SPIDR: variants seen among roughly 807,000 people sequenced by gnomAD.
SPIDR encodes DNA repair-scaffolding protein.
SPIDR carries 93 observed loss-of-function variants against 104.6 expected under a neutral mutation model. The observed-to-expected ratio is 0.89, with a 90% CI of 0.75 to 1.06. SPIDR has a LOEUF of 1.06. Ranked by LOEUF, SPIDR falls within the 50% of genes least tolerant of loss-of-function variation. SPIDR has a pLI of 0.00. For missense variants in SPIDR, 1,154 were observed against 1,111.2 expected, an observed-to-expected ratio of 1.04 and a Z score of -0.55; for synonymous variants, 431 against 416.9, an observed-to-expected ratio of 1.03 and a Z score of -0.41.
At chr8:47,348,948 C>T (rs1218239310) in intron 5 of SPIDR, among the ~76,000 whole-genome samples, 1 of 152,206 alleles carries the variant, frequency 6.6e-6, no homozygotes, top group African/African-American at 2.4e-5. Flanking sequence ...AAGCCTACTT[C>T]TGTCAACTTG....
chr8:47,441,743 T>TA (rs1554697262), intron 8 of SPIDR, among the ~76,000 whole-genome samples: 1 of 152,180 alleles, frequency 6.6e-6, no homozygotes, highest in African/African-American at 2.4e-5. Context: ...AAAGTTATTC[T>TA]ATGTTTTATT....
intron 5 of SPIDR, among the ~76,000 whole-genome samples, chr8:47,394,956 A>T (rs1278817334): frequency 6.6e-6 from 1 of 152,084 alleles, no homozygotes; most frequent in Non-Finnish European, 1.5e-5. Flanking sequence ...AAATTTAGAC[A>T]TTTACTTTTT....
intron 1 of SPIDR, among the ~76,000 whole-genome samples, chr8:47,276,392 C>T (rs1270595724): frequency 6.6e-6 from 1 of 152,096 alleles, no homozygotes; most frequent in Middle Eastern, 3.2e-3. Flanking sequence ...TGTACTTTTA[C>T]CAAGATCTTG....
chr8:47,488,299 C>G (rs1168777687), intron 8 of SPIDR, among the ~76,000 whole-genome samples: 6 of 152,048 alleles, frequency 3.9e-5, no homozygotes, highest in Non-Finnish European at 8.8e-5. Flanking sequence ...AAGACTAAAC[C>G]AGGAAGAAGT....
At chr8:47,320,193 G>C (rs1296594133) in intron 5 of SPIDR, among the ~76,000 whole-genome samples, 16 of 152,042 alleles carry the variant, frequency 1.1e-4, no homozygotes, top group Non-Finnish European at 1.9e-4. Flanking sequence ...AACTTGATAG[G>C]CTGCTAGAAA....
At chr8:47,311,807 G>C (rs1409460211) in intron 5 of SPIDR, among the ~76,000 whole-genome samples, 2 of 151,896 alleles carry the variant, frequency 1.3e-5, no homozygotes, top group Admixed American at 1.3e-4. Context: ...CCATGTTGGT[G>C]TGCTGCACCC....
intron 5 of SPIDR, among the ~76,000 whole-genome samples, chr8:47,352,327 G>C (rs2053691686): frequency 1.3e-5 from 2 of 151,574 alleles, no homozygotes; most frequent in African/African-American, 4.8e-5. Context: ...TGTACTTCTT[G>C]TTTTCATCTG....
chr8:47,709,902 T>TTTC (rs58985846), intron 14 of SPIDR, among the ~76,000 whole-genome samples: 1 of 151,464 alleles, frequency 6.6e-6, no homozygotes, highest in East Asian at 1.9e-4. Context: ...TTTTTTTTTT[T>TTTC]GAGATGCTCT....
At chr8:47,595,537 G>T (rs1018271322) in intron 8 of SPIDR, among the ~76,000 whole-genome samples, 4 of 152,204 alleles carry the variant, frequency 2.6e-5, no homozygotes, top group Non-Finnish European at 5.9e-5. Flanking sequence ...CCCCTGAGGG[G>T]TCTTGAGGCC....
At chr8:47,291,532 T>G (rs971057368) in intron 4 of SPIDR, among the ~76,000 whole-genome samples, 293 of 152,308 alleles carry the variant, frequency 1.9e-3, no homozygotes, top group African/African-American at 6.9e-3. Flanking sequence ...TTAAATTCCT[T>G]TCTAATAGTT....
chr8:47,702,089 TCTCTCTCTTACA>T lies in SPIDR; in HGVS notation c.1977+76_1977+87del, dbSNP rs1438685175. 2.9e-3 allele frequency: 323 copies of T among 112,006 alleles called. 16 individuals are homozygous for T. Among genetic ancestry groups the T allele is most frequent in the East Asian group, 0.023 (89 of 3,864 alleles). The allele number at this position is 112,006 out of a possible 1,614,324, so 6.9% of individuals were successfully genotyped here. ...CTCTCTCTCTCTCTCTCTCTCTCTC[TCTCTCTCTTACA>T]CACACACACACACACACACACACAC... On this transcript the variant is annotated intron_variant, in intron 14 of 19. Coordinates refer to ENST00000297423, the MANE Select transcript of SPIDR (RefSeq NM_001080394.4).
chr8:47,407,994 T>TA, intron 7 of SPIDR, 33 bp downstream of exon 7: 3 of 1,201,010 alleles, frequency 2.5e-6, no homozygotes, highest in Admixed American at 2.4e-5. Context: ...AGACAATGTG[T>TA]AAAAAAATAT....
intron 11 of SPIDR, among the ~76,000 whole-genome samples, chr8:47,678,611 G>A (rs1046824289): frequency 4.6e-5 from 7 of 152,202 alleles, no homozygotes; most frequent in Non-Finnish European, 8.8e-5. Context: ...GGGGTGCAGA[G>A]GGTGGGGTAA....
intron 5 of SPIDR, among the ~76,000 whole-genome samples, chr8:47,299,862 A>G (rs2041706177): frequency 6.6e-6 from 1 of 152,192 alleles, no homozygotes; most frequent in Non-Finnish European, 1.5e-5. Flanking sequence ...CCAGTGTTTT[A>G]TTGAGGATTT....
intron 8 of SPIDR, among the ~76,000 whole-genome samples, chr8:47,490,391 G>C (rs934157815): frequency 7.9e-5 from 12 of 152,162 alleles, no homozygotes; most frequent in African/African-American, 2.9e-4. Context: ...CACTTTTACA[G>C]TGTTGGTGGG....
chr8:47,503,904 G>T (rs1020300382), intron 8 of SPIDR, among the ~76,000 whole-genome samples: 1 of 152,156 alleles, frequency 6.6e-6, no homozygotes. Context: ...AGCTTAGTTT[G>T]GCTGGATATG....
chr8:47,732,054 T>C (rs2154494645), intron 19 of SPIDR: 1 of 684,014 alleles, frequency 1.5e-6, no homozygotes, highest in East Asian at 2.7e-5. Flanking sequence ...CTGCCTGGCA[T>C]CCCTGGTCAC....
chr8:47,299,695 T>C (rs1368996573), intron 5 of SPIDR, among the ~76,000 whole-genome samples: 6 of 152,244 alleles, frequency 3.9e-5, no homozygotes, highest in African/African-American at 1.4e-4. Flanking sequence ...CTTTTCTGCA[T>C]CTATTGAGAT....
chr8:47,347,519 G>C (rs1587448094), intron 5 of SPIDR, among the ~76,000 whole-genome samples: 3 of 152,092 alleles, frequency 2.0e-5, no homozygotes, highest in African/African-American at 7.2e-5. Context: ...TTTCTGTCTC[G>C]TTGATCTGTC....
Sources: allele counts gnomAD v4.1 joint callset (sites outside exome capture counted in the v4.1 genomes callset), GRCh38; gene constraint gnomAD v4.1.1; transcripts MANE v1.5; gene names NCBI Gene and HGNC (gene_info 2026-07-23, HGNC 2026-07-21).